The following ADAM20 variants were observed in gnomAD, a reference collection of about 807,000 sequenced individuals.
ADAM20 encodes the protein disintegrin and metalloproteinase domain-containing protein 20.
For missense variants in ADAM20, 871 were observed against 883.2 expected (o/e 0.99, Z 0.18); for synonymous variants, 305 against 310.2 (o/e 0.98, Z 0.18).
At chr14:70,573,429 G>T in the ADAM20 span, among the ~76,000 whole-genome samples, 1 of 152,220 alleles carries the variant, frequency 6.6e-6, no homozygotes, top group South Asian at 2.1e-4. Flanking sequence ...GGGATTCCAA[G>T]GGTGGGGGAC....
chr14:70,574,129 AAAG>A, the ADAM20 span, among the ~76,000 whole-genome samples: 139 of 152,388 alleles, frequency 9.1e-4, 2 homozygotes, highest in South Asian at 0.014. Flanking sequence ...TTAACAGATT[AAAG>A]AAGACTGAAA....
At chr14:70,568,237 A>G in the ADAM20 span, among the ~76,000 whole-genome samples, 1 of 152,224 alleles carries the variant, frequency 6.6e-6, no homozygotes. Context: ...AGCATCTAAG[A>G]AAGTCACTAC....
the ADAM20 span, among the ~76,000 whole-genome samples, chr14:70,545,761 A>T: frequency 4.6e-5 from 7 of 152,226 alleles, no homozygotes; most frequent in African/African-American, 1.7e-4. Context: ...CCAATACAGT[A>T]ATAGCTGGAG....
the ADAM20 span, among the ~76,000 whole-genome samples, chr14:70,554,381 T>C: frequency 2.6e-5 from 4 of 152,160 alleles, no homozygotes; most frequent in African/African-American, 9.7e-5. Context: ...ACTCCACTTA[T>C]AAATATATAT....
the ADAM20 span, among the ~76,000 whole-genome samples, chr14:70,546,888 A>AAAC: frequency 9.2e-5 from 14 of 152,256 alleles, 1 homozygote; most frequent in East Asian, 5.8e-4. Context: ...AAAATACAAA[A>AAAC]AACAACAACA....
upstream of ADAM20, among the ~76,000 whole-genome samples, chr14:70,539,577 C>T (rs950326429): frequency 2.6e-5 from 4 of 152,242 alleles, no homozygotes; most frequent in Non-Finnish European, 5.9e-5. Context: ...AGCTTCACAT[C>T]CTGTTTCTAT....
the ADAM20 span, among the ~76,000 whole-genome samples, chr14:70,576,001 G>A: frequency 3.3e-5 from 5 of 152,146 alleles, no homozygotes; most frequent in African/African-American, 7.2e-5. Flanking sequence ...TAAAGCTTAC[G>A]GAATGCAGTT....
At chr14:70,558,258 A>T in the ADAM20 span, among the ~76,000 whole-genome samples, 1 of 152,232 alleles carries the variant, frequency 6.6e-6, no homozygotes, top group Non-Finnish European at 1.5e-5. Context: ...AGTCAAATAC[A>T]AGGATTTTGT....
At chr14:70,576,003 A>G in the ADAM20 span, among the ~76,000 whole-genome samples, 1 of 152,234 alleles carries the variant, frequency 6.6e-6, no homozygotes, top group Non-Finnish European at 1.5e-5. Context: ...AAGCTTACGG[A>G]ATGCAGTTAG....
chr14:70,523,083 T>C lies in ADAM20; in HGVS notation c.1675A>G (p.Ile559Val), dbSNP rs1883489876. Residue 559 changes from isoleucine to valine, a missense_variant, in exon 2 of 2, where the codon ATC becomes GTC. Transcript: ENST00000256389. ...TCACACTGAACCCTCCCACACATGA[T>C]ATCAGGGGTCCAACATTTTACATAT... ...TTYVKCWTPD[I>V]MCGRVQCENV... 2 of 1,613,948 alleles carry C rather than the reference T, an allele frequency of 1.2e-6. No individual in the cohort carries two copies. Among genetic ancestry groups the C allele is most frequent in the Non-Finnish European group, 1.7e-6 (2 of 1,179,926 alleles).
At chr14:70,537,561 A>G (rs1465170539), upstream of ADAM20, among the ~76,000 whole-genome samples, 1 of 152,154 alleles carries the variant, frequency 6.6e-6, no homozygotes, top group Non-Finnish European at 1.5e-5. Context: ...AATCTTGGGT[A>G]TGTCCAGTTT....
chr14:70,542,750 C>T, the ADAM20 span, among the ~76,000 whole-genome samples: 26 of 152,296 alleles, frequency 1.7e-4, no homozygotes, highest in Middle Eastern at 3.4e-3. Context: ...ACCAGCCTGG[C>T]CAACATGGTG....
At chr14:70,563,143 A>G in the ADAM20 span, among the ~76,000 whole-genome samples, 1 of 152,184 alleles carries the variant, frequency 6.6e-6, no homozygotes, top group Non-Finnish European at 1.5e-5. Flanking sequence ...TCACATGACC[A>G]TAACTGGACC....
chr14:70,568,011 C>T, the ADAM20 span, among the ~76,000 whole-genome samples: 2 of 152,296 alleles, frequency 1.3e-5, no homozygotes, highest in Non-Finnish European at 2.9e-5. Flanking sequence ...GGTGCTACCA[C>T]TTGACATCAG....
At chr14:70,540,011 G>C (rs1158400917), upstream of ADAM20, among the ~76,000 whole-genome samples, 1 of 152,118 alleles carries the variant, frequency 6.6e-6, no homozygotes, top group Non-Finnish European at 1.5e-5. Context: ...TTGCATTGTG[G>C]GATGCTGGCC....
chr14:70,531,563 A>G (rs1883711536), intron 1 of ADAM20, among the ~76,000 whole-genome samples: 1 of 152,170 alleles, frequency 6.6e-6, no homozygotes, highest in African/African-American at 2.4e-5. Flanking sequence ...GGAAGAAGTA[A>G]AATGATCTAT....
chr14:70,573,078 A>G, the ADAM20 span, among the ~76,000 whole-genome samples: 2 of 152,182 alleles, frequency 1.3e-5, no homozygotes, highest in African/African-American at 4.8e-5. Context: ...CAATCCCACT[A>G]CTGGGTATAT....
chr14:70,536,944 C>CAAAA (rs577264085), upstream of ADAM20, among the ~76,000 whole-genome samples: 40 of 125,366 alleles, frequency 3.2e-4, no homozygotes, highest in African/African-American at 9.1e-4. Context: ...CACTCCTAAC[C>CAAAA]AAAAAAAAAA....
the ADAM20 span, chr14:70,557,416 A>T: frequency 6.6e-6 from 1 of 152,232 alleles, no homozygotes; most frequent in African/African-American, 2.4e-5. Flanking sequence ...GTTCAGCTCT[A>T]TGGGGTAGTC....
Sources: gnomAD v4.1 joint callset for allele counts (sites outside exome capture counted in the v4.1 genomes callset) on GRCh38, gnomAD v4.1.1 for gene constraint, MANE v1.5 for transcripts, NCBI Gene and HGNC (gene_info 2026-07-23, HGNC 2026-07-21) for gene names.